Variants in FUT9 observed in about 807,000 individuals in gnomAD.
The protein encoded by FUT9 is 4-galactosyl-N-acetylglucosaminide 3-alpha-L-fucosyltransferase 9.
A neutral mutation model predicts 29.7 loss-of-function variants in FUT9; 15 were observed. The observed-to-expected ratio is 0.51, with a 90% confidence interval of 0.34 to 0.78. The LOEUF is 0.78. Among genes scored for constraint, FUT9 ranks in the 30% least tolerant of loss-of-function variants. The probability of loss-of-function intolerance (pLI) is 0.01; values close to 1 mark genes in which losing one functional copy is unlikely to be tolerated. For missense variants in FUT9, 319 were observed against 425.4 expected, an observed-to-expected ratio of 0.75 and a Z score of 2.20; for synonymous variants, 169 against 153.7, an observed-to-expected ratio of 1.10 and a Z score of -0.74.
At chr6:96,162,409 C>T (rs996683892) in intron 2 of FUT9, among the ~76,000 whole-genome samples, 1 of 152,140 alleles carries the variant, frequency 6.6e-6, no homozygotes, top group Non-Finnish European at 1.5e-5. Context: ...AAAATCCTCT[C>T]TTCTAGGTAT....
intron 2 of FUT9, among the ~76,000 whole-genome samples, chr6:96,188,405 T>A (rs1194822391): frequency 6.6e-6 from 1 of 152,042 alleles, no homozygotes; most frequent in Non-Finnish European, 1.5e-5. Context: ...TAGCAAGCAA[T>A]CCTGCCTTGG....
At chr6:96,156,460 G>C (rs779513431) in intron 2 of FUT9, among the ~76,000 whole-genome samples, 9 of 152,074 alleles carry the variant, frequency 5.9e-5, no homozygotes, top group African/African-American at 2.2e-4. Flanking sequence ...AGCAAAAAGG[G>C]GCATCCTGAA....
At chr6:96,103,055 A>G (rs574988396) in intron 1 of FUT9, among the ~76,000 whole-genome samples, 1 of 152,306 alleles carries the variant, frequency 6.6e-6, no homozygotes, top group African/African-American at 2.4e-5. Context: ...GCAGTCAGAA[A>G]TAGACTTTCA....
intron 1 of FUT9, among the ~76,000 whole-genome samples, chr6:96,023,331 G>A (rs543925349): frequency 2.6e-5 from 4 of 151,902 alleles, no homozygotes; most frequent in Non-Finnish European, 5.9e-5. Context: ...ATCAGCTGCC[G>A]TGGTTGATAG....
chr6:96,107,241 C>T (rs1771707473), intron 1 of FUT9, among the ~76,000 whole-genome samples: 1 of 152,154 alleles, frequency 6.6e-6, no homozygotes, highest in Admixed American at 6.5e-5. Flanking sequence ...TTCTAACCCC[C>T]AGCATAAGAC....
chr6:96,059,810 C>T (rs557826930), intron 1 of FUT9, among the ~76,000 whole-genome samples: 2 of 152,258 alleles, frequency 1.3e-5, no homozygotes, highest in African/African-American at 4.8e-5. Context: ...AGCAATGAGG[C>T]TGTTTTTCTT....
chr6:96,069,324 A>C (rs1771014575), intron 1 of FUT9, among the ~76,000 whole-genome samples: 1 of 151,822 alleles, frequency 6.6e-6, no homozygotes, highest in African/African-American at 2.4e-5. Flanking sequence ...CCATCTCAAA[A>C]AAAAAAAAGT....
chr6:96,193,674 A>G (rs541666225), intron 2 of FUT9, among the ~76,000 whole-genome samples: 159 of 152,182 alleles, frequency 1.0e-3, no homozygotes, highest in African/African-American at 3.6e-3. Flanking sequence ...AACTGGAAAT[A>G]CCATTTGACC....
chr6:96,133,317 T>C (rs1309585502), intron 2 of FUT9, among the ~76,000 whole-genome samples: 1 of 151,978 alleles, frequency 6.6e-6, no homozygotes, highest in African/African-American at 2.4e-5. Context: ...AGAAGCCACT[T>C]CTGTGGTGCT....
At chr6:96,096,684 A>ATGTGTGTGCGTGTG (rs1771501146) in intron 1 of FUT9, among the ~76,000 whole-genome samples, 1 of 140,766 alleles carries the variant, frequency 7.1e-6, no homozygotes, top group Admixed American at 7.3e-5. Context: ...TGTCTAAGGC[A>ATGTGTGTGCGTGTG]TGTGTGTGTG....
At chr6:96,057,059 C>T (rs1351328431) in intron 1 of FUT9, among the ~76,000 whole-genome samples, 1 of 152,042 alleles carries the variant, frequency 6.6e-6, no homozygotes, top group Non-Finnish European at 1.5e-5. Flanking sequence ...AGTGTTCTGG[C>T]AAAGCAAGCT....
At chr6:96,131,905 G>C (rs1460566776) in intron 2 of FUT9, among the ~76,000 whole-genome samples, 2 of 152,078 alleles carry the variant, frequency 1.3e-5, no homozygotes, top group Non-Finnish European at 2.9e-5. Flanking sequence ...AAACATGTCA[G>C]TAAATTACAA....
intron 1 of FUT9, among the ~76,000 whole-genome samples, chr6:96,029,964 G>A (rs991385770): frequency 8.6e-5 from 13 of 151,714 alleles, no homozygotes; most frequent in African/African-American, 3.1e-4. Context: ...ATATGGTGCA[G>A]CTAAGAACAG....
intron 1 of FUT9, among the ~76,000 whole-genome samples, chr6:96,099,138 T>C (rs1771546493): frequency 6.6e-6 from 1 of 152,018 alleles, no homozygotes; most frequent in Non-Finnish European, 1.5e-5. Flanking sequence ...CCTTAGGATG[T>C]GAAAATCTGT....
At chr6:96,051,485 T>TAA (rs1394613607) in intron 1 of FUT9, among the ~76,000 whole-genome samples, 2 of 149,926 alleles carry the variant, frequency 1.3e-5, no homozygotes, top group Admixed American at 6.7e-5. Flanking sequence ...ACCCCAACTC[T>TAA]AAAAAAAAAT....
intron 2 of FUT9, among the ~76,000 whole-genome samples, chr6:96,148,263 T>C (rs1456953963): frequency 6.6e-6 from 1 of 152,162 alleles, no homozygotes. Context: ...GGGTCTCAGA[T>C]TCCAACCTAC....
At chr6:96,108,883 C>T (rs1292212152) in intron 1 of FUT9, among the ~76,000 whole-genome samples, 2 of 152,104 alleles carry the variant, frequency 1.3e-5, no homozygotes, top group Non-Finnish European at 2.9e-5. Context: ...TCTCTTTTTC[C>T]CCTTCCACTT....
chr6:96,084,711 G>T (rs1412828843), intron 1 of FUT9, among the ~76,000 whole-genome samples: 1 of 152,030 alleles, frequency 6.6e-6, no homozygotes, highest in Non-Finnish European at 1.5e-5. Context: ...ATTAGAAATA[G>T]AAATTATTTT....
In FUT9 at chr6:96,203,956, T is replaced by C; in HGVS notation, c.801T>C (p.Pro267=). 4 of 1,613,462 alleles carry C rather than the reference T, an allele frequency of 2.5e-6. No homozygotes were observed. Among genetic ancestry groups the C allele is most frequent in the Non-Finnish European group, 3.4e-6 (4 of 1,179,546 alleles). ...LYNAFLAGSV[P]VVLGPSRENY... ...ATGCTTTTCTGGCTGGCTCTGTACC[T>C]GTTGTTCTGGGACCATCTAGGGAAA... Residue 267 remains proline (P), a synonymous_variant, in exon 3 of 3, where the codon CCT becomes CCC. Coordinates refer to ENST00000302103, the MANE Select transcript of FUT9 (RefSeq NM_006581.4).
Sources: allele counts gnomAD v4.1 joint callset (sites outside exome capture counted in the v4.1 genomes callset), GRCh38; gene constraint gnomAD v4.1.1; transcripts MANE v1.5; gene names NCBI Gene and HGNC (gene_info 2026-07-23, HGNC 2026-07-21).